The following VRK1 variants were observed in gnomAD, a reference collection of about 807,000 sequenced individuals.
VRK1 encodes the protein serine/threonine-protein kinase VRK1.
In VRK1, 33 loss-of-function variants were observed where a neutral mutation model predicts 57.1. The ratio of observed to expected loss-of-function variants is 0.58; its 90% CI spans 0.44 to 0.77. The LOEUF is 0.77. Ranked by LOEUF, VRK1 falls within the 30% of genes least tolerant of loss-of-function variation. VRK1 has a pLI of 0.00. For synonymous variants in VRK1, 137 were observed against 147.8 expected (o/e 0.93, Z 0.53); for missense variants, 413 against 477.3 (o/e 0.87, Z 1.25).
At chr14:96,807,549 TG>T (rs1885929855) in intron 1 of VRK1, among the ~76,000 whole-genome samples, 1 of 152,238 alleles carries the variant, frequency 6.6e-6, no homozygotes, top group Admixed American at 6.5e-5. Flanking sequence ...TTGTATCTCT[TG>T]TTCTAGATAT....
At chr14:96,833,729 T>A in intron 2 of VRK1, 98 bp downstream of exon 2, 1 of 1,551,916 alleles carries the variant, frequency 6.4e-7, no homozygotes, top group African/African-American at 1.4e-5. Context: ...ATGTTCCTAA[T>A]AATCTGCAGT....
At chr14:96,822,274 T>C (rs1358699004) in intron 1 of VRK1, among the ~76,000 whole-genome samples, 1 of 152,160 alleles carries the variant, frequency 6.6e-6, no homozygotes, top group African/African-American at 2.4e-5. Context: ...ACTTGTTGAG[T>C]AAACAAATTA....
chr14:96,849,536 A>G (rs1340220121), intron 5 of VRK1, among the ~76,000 whole-genome samples: 1 of 151,846 alleles, frequency 6.6e-6, no homozygotes, highest in African/African-American at 2.4e-5. Context: ...TGACTCCATC[A>G]GGTGTGGTCA....
At chr14:96,799,417 T>A (rs1160332469) in intron 1 of VRK1, among the ~76,000 whole-genome samples, 2 of 152,174 alleles carry the variant, frequency 1.3e-5, no homozygotes, top group East Asian at 1.9e-4. Flanking sequence ...AACAAGATTT[T>A]AATTTTGACA....
chr14:96,830,736 T>C (rs1265697634), intron 1 of VRK1, among the ~76,000 whole-genome samples: 1 of 152,240 alleles, frequency 6.6e-6, no homozygotes, highest in African/African-American at 2.4e-5. Flanking sequence ...TTTTCCCTTA[T>C]ATGCAATTAG....
At chr14:96,838,077 A>G (rs1446676270) in intron 3 of VRK1, among the ~76,000 whole-genome samples, 1 of 152,102 alleles carries the variant, frequency 6.6e-6, no homozygotes, top group African/African-American at 2.4e-5. Flanking sequence ...ATGTGGAATA[A>G]AAATATTCAG....
rs185932557 is a variant in VRK1, at chr14:96,863,180, A to C, written c.1068+2445A>C. On this transcript the variant is annotated intron_variant, in intron 11 of 12. Transcript: ENST00000216639. Reference sequence around the variant, plus strand: ...TTGGGATGACATAAGGCTGAAGGAGAACAGAGAGATCAAGTATACATCTGC... The same window carrying C: ...TTGGGATGACATAAGGCTGAAGGAGCACAGAGAGATCAAGTATACATCTGC... Among the ~76,000 whole-genome samples, 27 of 152,350 alleles carry C rather than the reference A, an allele frequency of 1.8e-4. No homozygotes were observed. In the East Asian group the frequency reaches 4.8e-3, roughly 27 times the overall value.
At chr14:96,831,216 T>G (rs1886991891) in intron 1 of VRK1, among the ~76,000 whole-genome samples, 1 of 152,224 alleles carries the variant, frequency 6.6e-6, no homozygotes, top group Non-Finnish European at 1.5e-5. Context: ...TACTGCTGTT[T>G]GTCATGGTCT....
At chr14:96,808,057 A>G (rs7494138) in intron 1 of VRK1, among the ~76,000 whole-genome samples, 9,310 of 95,130 alleles carry the variant, frequency 0.098, 360 homozygotes, top group South Asian at 0.18. Context: ...GTGTGTGTGC[A>G]TGTGATTGAA....
chr14:96,801,229 C>G (rs958152295), intron 1 of VRK1, among the ~76,000 whole-genome samples: 2 of 152,084 alleles, frequency 1.3e-5, no homozygotes, highest in Non-Finnish European at 2.9e-5. Context: ...ATTAAACAAA[C>G]CATGAAGTTA....
chr14:96,805,965 A>G (rs1033134365), intron 1 of VRK1, among the ~76,000 whole-genome samples: 10 of 148,886 alleles, frequency 6.7e-5, no homozygotes, highest in Admixed American at 3.3e-4. Flanking sequence ...GCCCTTCAGT[A>G]TTATCACAGA....
At chr14:96,849,771 T>G (rs1347691435) in intron 5 of VRK1, among the ~76,000 whole-genome samples, 1 of 152,200 alleles carries the variant, frequency 6.6e-6, no homozygotes, top group Non-Finnish European at 1.5e-5. Context: ...GTATGTTGCT[T>G]GAGAATGATG....
intron 12 of VRK1, chr14:96,877,675 TC>T: frequency 7.8e-7 from 1 of 1,276,254 alleles, no homozygotes; most frequent in Non-Finnish European, 1.0e-6. Flanking sequence ...TTCAGAAAGA[TC>T]CTGCATTGTT....
chr14:96,802,462 G>A (rs1274011196), intron 1 of VRK1, among the ~76,000 whole-genome samples: 1 of 152,210 alleles, frequency 6.6e-6, no homozygotes, highest in Non-Finnish European at 1.5e-5. Context: ...CAACTTGGTT[G>A]GAGTTTAAGG....
intron 1 of VRK1, among the ~76,000 whole-genome samples, chr14:96,805,047 A>G (rs1011351596): frequency 2.0e-5 from 3 of 152,222 alleles, no homozygotes; most frequent in African/African-American, 7.2e-5. Flanking sequence ...GAGCAACTGA[A>G]ATGATAAAAA....
chr14:96,841,858 TAAAAC>T lies in VRK1; in HGVS notation c.216+4048_216+4052del, dbSNP rs1215411947. On this transcript the variant is annotated intron_variant, in intron 3 of 12. Transcript: ENST00000216639. ...TCAAAAAAAAAAAAAATACCAAAAA[TAAAAC>T]AAAACAGTAATATTACTGACTTTCT... 2.6e-5 allele frequency among the ~76,000 whole-genome samples: 4 copies of T among 151,304 alleles called. No homozygotes were observed. The East Asian group carries it at 7.8e-4, about 29-fold the overall frequency.
intron 5 of VRK1, among the ~76,000 whole-genome samples, chr14:96,849,407 A>G (rs1009286933): frequency 2.0e-5 from 3 of 152,114 alleles, no homozygotes; most frequent in Non-Finnish European, 4.4e-5. Flanking sequence ...GACTTGGAAT[A>G]ACAGCCTTTT....
intron 4 of VRK1, 73 bp downstream of exon 4, chr14:96,846,237 C>G: frequency 7.3e-7 from 1 of 1,374,012 alleles, no homozygotes; most frequent in Non-Finnish European, 1.0e-6. Flanking sequence ...AGACCTAGAG[C>G]ATTGTATCTT....
At chr14:96,816,814 A>G (rs1886412100) in intron 1 of VRK1, among the ~76,000 whole-genome samples, 1 of 152,216 alleles carries the variant, frequency 6.6e-6, no homozygotes, top group African/African-American at 2.4e-5. Context: ...AAGAGACTCA[A>G]AGACACATCA....
Sources: allele counts gnomAD v4.1 joint callset (sites outside exome capture counted in the v4.1 genomes callset), GRCh38; gene constraint gnomAD v4.1.1; transcripts MANE v1.5; gene names NCBI Gene and HGNC (gene_info 2026-07-23, HGNC 2026-07-21).